Variants in AGBL4 observed in about 807,000 individuals in gnomAD.
The protein encoded by AGBL4 is AGBL carboxypeptidase 4, also known as cytosolic carboxypeptidase 6.
Under a neutral mutation model 66.4 loss-of-function variants are expected in AGBL4, and 58 were observed. The ratio of observed to expected loss-of-function variants is 0.87; its 90% confidence interval spans 0.71 to 1.09. The LOEUF (loss-of-function observed/expected upper bound fraction) is 1.09, where lower values mean the gene tolerates loss of function less well. Ranked by LOEUF, AGBL4 falls within the 50% of genes least tolerant of loss-of-function variation. The pLI, the probability that AGBL4 is intolerant of heterozygous loss-of-function variation, is 0.00. For synonymous variants in AGBL4, 234 were observed against 222.9 expected (o/e 1.05, Z -0.44); for missense variants, 579 against 631.0 (o/e 0.92, Z 0.88).
intron 2 of AGBL4, among the ~76,000 whole-genome samples, chr1:49,801,612 T>G (rs542523255): frequency 1.3e-5 from 2 of 152,276 alleles, no homozygotes; most frequent in East Asian, 3.9e-4. Context: ...AAAAAAAAAG[T>G]GCATAGGCTT....
chr1:49,375,127 G>A (rs569834083), intron 3 of AGBL4, among the ~76,000 whole-genome samples: 21 of 152,052 alleles, frequency 1.4e-4, no homozygotes, highest in African/African-American at 4.3e-4. Context: ...AACTACATTC[G>A]TTTGTAAAAC....
intron 4 of AGBL4, among the ~76,000 whole-genome samples, chr1:49,159,555 C>T (rs1188730167): frequency 3.3e-5 from 5 of 152,134 alleles, no homozygotes; most frequent in East Asian, 1.9e-4. Context: ...TTGCTCTTCT[C>T]GAGGAATATC....
intron 3 of AGBL4, among the ~76,000 whole-genome samples, chr1:49,454,681 T>C (rs1570755293): frequency 1.3e-5 from 2 of 151,624 alleles, no homozygotes; most frequent in East Asian, 3.9e-4. Flanking sequence ...AGGGAGTATG[T>C]ACAATATTTT....
chr1:49,415,717 T>C (rs1206872332), intron 3 of AGBL4, among the ~76,000 whole-genome samples: 1 of 152,126 alleles, frequency 6.6e-6, no homozygotes, highest in East Asian at 1.9e-4. Flanking sequence ...ACTATCACTC[T>C]GACAAGTATG....
chr1:49,295,749 C>T (rs1179434823), intron 3 of AGBL4, among the ~76,000 whole-genome samples: 1 of 152,062 alleles, frequency 6.6e-6, no homozygotes, highest in Non-Finnish European at 1.5e-5. Context: ...CACTTTGTCT[C>T]TTTAGTGGGT....
chr1:49,420,694 C>T (rs1645526428), intron 3 of AGBL4, among the ~76,000 whole-genome samples: 1 of 116,840 alleles, frequency 8.6e-6, no homozygotes, highest in African/African-American at 3.0e-5. Flanking sequence ...GAGCGAGACT[C>T]CGTCTCAAAA....
intron 4 of AGBL4, among the ~76,000 whole-genome samples, chr1:49,110,224 T>C (rs1645379189): frequency 6.6e-6 from 1 of 152,220 alleles, no homozygotes; most frequent in Non-Finnish European, 1.5e-5. Flanking sequence ...GCCATGTTTT[T>C]CTCATGTGGC....
intron 3 of AGBL4, among the ~76,000 whole-genome samples, chr1:49,689,985 T>C (rs1455434220): frequency 1.3e-5 from 2 of 152,178 alleles, no homozygotes; most frequent in Admixed American, 6.5e-5. Flanking sequence ...GTATACCTCA[T>C]TGCTGTCTTA....
At position 49,229,787 on chromosome 1, in the gene AGBL4, C is replaced by T. The variant is rs563884341; in HGVS notation, c.377+15983G>A. Among the ~76,000 whole-genome samples, 44 of 152,242 alleles carry T rather than the reference C, an allele frequency of 2.9e-4. No homozygotes were observed. In the South Asian group the frequency reaches 8.5e-3, roughly 29 times the overall value. On this transcript the variant is annotated intron_variant, in intron 4 of 13. Coordinates refer to ENST00000371839, the MANE Select transcript of AGBL4 (RefSeq NM_032785.4). ...CACTGGCTGGGGCTGGCTGTCATAG[C>T]ACTAGGCCAACACCAGGGCTGGGAA... is the stretch of plus-strand genomic sequence containing the variant.
At chr1:49,554,945 G>A (rs906622373) in intron 3 of AGBL4, among the ~76,000 whole-genome samples, 9 of 152,144 alleles carry the variant, frequency 5.9e-5, no homozygotes, top group Admixed American at 1.3e-4. Context: ...AGACCTTCAC[G>A]GTGAGTGTTA....
intron 2 of AGBL4, among the ~76,000 whole-genome samples, chr1:49,838,538 T>A (rs962567145): frequency 6.6e-6 from 1 of 152,222 alleles, no homozygotes. Context: ...AACCTTCAGA[T>A]GCCAACTCAA....
At chr1:49,739,782 A>T (rs1169255415) in intron 2 of AGBL4, among the ~76,000 whole-genome samples, 1 of 152,190 alleles carries the variant, frequency 6.6e-6, no homozygotes, top group African/African-American at 2.4e-5. Flanking sequence ...TCAACCCAGA[A>T]TTTCATAACC....
intron 1 of AGBL4, among the ~76,000 whole-genome samples, chr1:50,020,694 G>T (rs1049197513): frequency 6.6e-6 from 1 of 152,166 alleles, no homozygotes; most frequent in African/African-American, 2.4e-5. Context: ...ATTCTTTGCA[G>T]ATCTTAATTA....
intron 3 of AGBL4, among the ~76,000 whole-genome samples, chr1:49,378,860 G>C (rs1292824377): frequency 6.6e-6 from 1 of 152,098 alleles, no homozygotes; most frequent in Non-Finnish European, 1.5e-5. Flanking sequence ...CTCAGTCATT[G>C]GCTGGGAGTA....
intron 2 of AGBL4, among the ~76,000 whole-genome samples, chr1:49,708,849 T>C (rs1647409157): frequency 6.6e-6 from 1 of 152,162 alleles, no homozygotes; most frequent in Admixed American, 6.5e-5. Context: ...GGAGGTCCAC[T>C]CTAGACGCTG....
chr1:49,000,625 G>A (rs1219126256), intron 5 of AGBL4, among the ~76,000 whole-genome samples: 1 of 152,140 alleles, frequency 6.6e-6, no homozygotes, highest in Admixed American at 6.5e-5. Context: ...CTTGATACAT[G>A]TTGGAAAACT....
At chr1:48,626,520 G>C (rs1227599877) in intron 9 of AGBL4, among the ~76,000 whole-genome samples, 1 of 152,214 alleles carries the variant, frequency 6.6e-6, no homozygotes, top group Non-Finnish European at 1.5e-5. Flanking sequence ...GCCCATCAGT[G>C]GATCAAGAGC....
chr1:49,041,880 G>GA (rs1643951304), intron 5 of AGBL4, among the ~76,000 whole-genome samples: 1 of 152,012 alleles, frequency 6.6e-6, no homozygotes, highest in Non-Finnish European at 1.5e-5. Context: ...ACCACCATCA[G>GA]GCAATGGCTC....
intron 9 of AGBL4, among the ~76,000 whole-genome samples, chr1:48,595,998 C>T (rs957404697): frequency 6.6e-5 from 10 of 152,190 alleles, no homozygotes; most frequent in African/African-American, 2.4e-4. Flanking sequence ...CAGGAATAAC[C>T]GCAAGTTGAG....
Sources: allele counts gnomAD v4.1 joint callset (sites outside exome capture counted in the v4.1 genomes callset), GRCh38; gene constraint gnomAD v4.1.1; transcripts MANE v1.5; gene names NCBI Gene and HGNC (gene_info 2026-07-23, HGNC 2026-07-21).